Variants in RANBP2 observed in about 807,000 individuals in gnomAD.
The protein encoded by RANBP2 is E3 SUMO-protein ligase RanBP2.
Under a neutral mutation model 303.6 loss-of-function variants are expected in RANBP2, and 57 were observed. That is an observed-to-expected ratio of 0.19 (90% CI 0.15 to 0.23). The LOEUF is 0.23. Among genes scored for constraint, RANBP2 ranks in the 10% least tolerant of loss-of-function variants. The pLI, the probability that RANBP2 is intolerant of heterozygous loss-of-function variation, is 1.00. For synonymous variants in RANBP2, 1,167 were observed against 1,301.5 expected, an observed-to-expected ratio of 0.90 and a Z score of 2.23; for missense variants, 3,138 against 3,780.8, an observed-to-expected ratio of 0.83 and a Z score of 4.46.
At chr2:108,969,399 G>A in the RANBP2 span, among the ~76,000 whole-genome samples, 1 of 152,190 alleles carries the variant, frequency 6.6e-6, no homozygotes. Flanking sequence ...TCCGGTGAGA[G>A]GAGAACGATT....
the RANBP2 span, among the ~76,000 whole-genome samples, chr2:109,093,808 T>C: frequency 6.6e-6 from 1 of 152,218 alleles, no homozygotes; most frequent in African/African-American, 2.4e-5. Flanking sequence ...CCACTCTTGA[T>C]GCCCATATGA....
the RANBP2 span, among the ~76,000 whole-genome samples, chr2:108,948,630 AGT>A: frequency 1.3e-5 from 2 of 152,284 alleles, no homozygotes; most frequent in African/African-American, 4.8e-5. Flanking sequence ...AGAGAGAGAG[AGT>A]GAAGTGGGGA....
At chr2:109,731,420 A>C in the RANBP2 span, among the ~76,000 whole-genome samples, 1 of 151,266 alleles carries the variant, frequency 6.6e-6, no homozygotes, top group Non-Finnish European at 1.5e-5. Flanking sequence ...TTTGAGATGG[A>C]GTCTCACTCT....
At chr2:109,351,255 CTTGG>C in the RANBP2 span, among the ~76,000 whole-genome samples, 5 of 152,190 alleles carry the variant, frequency 3.3e-5, no homozygotes, top group African/African-American at 1.2e-4. Context: ...AGGGGCTGGC[CTTGG>C]CAGGGCCTTG....
chr2:109,322,582 A>G, the RANBP2 span, among the ~76,000 whole-genome samples: 1 of 152,264 alleles, frequency 6.6e-6, no homozygotes, highest in South Asian at 2.1e-4. Context: ...TACTGCAAGA[A>G]TAAATTTGCT....
At chr2:109,406,209 G>A in the RANBP2 span, among the ~76,000 whole-genome samples, 1 of 152,206 alleles carries the variant, frequency 6.6e-6, no homozygotes, top group Non-Finnish European at 1.5e-5. Flanking sequence ...GCTCTGCTGG[G>A]GGAGGGAGGT....
intron 1 of RANBP2, among the ~76,000 whole-genome samples, chr2:108,723,348 C>T (rs1421964667): frequency 2.0e-5 from 3 of 150,606 alleles, no homozygotes; most frequent in African/African-American, 4.9e-5. Flanking sequence ...GGCGCGATCT[C>T]GGCTCACTGC....
chr2:108,831,398 C>A, the RANBP2 span, among the ~76,000 whole-genome samples: 1 of 152,072 alleles, frequency 6.6e-6, no homozygotes, highest in African/African-American at 2.4e-5. Flanking sequence ...TCTTTTGAAA[C>A]ATTCAAAAGA....
the RANBP2 span, among the ~76,000 whole-genome samples, chr2:109,031,442 C>T: frequency 1.3e-5 from 2 of 151,860 alleles, no homozygotes; most frequent in Admixed American, 6.5e-5. Context: ...TCCCTGGAGG[C>T]CCCCTCTTAC....
chr2:109,239,069 A>C, the RANBP2 span, among the ~76,000 whole-genome samples: 1 of 152,200 alleles, frequency 6.6e-6, no homozygotes, highest in Admixed American at 6.5e-5. Context: ...GCAGTGCCAA[A>C]TGTCAAGATG....
the RANBP2 span, among the ~76,000 whole-genome samples, chr2:109,576,403 A>T: frequency 1.3e-4 from 20 of 152,190 alleles, no homozygotes; most frequent in South Asian, 3.5e-3. Context: ...CCGGCCTCAA[A>T]AAATGATATT....
At chr2:109,515,259 C>A in the RANBP2 span, among the ~76,000 whole-genome samples, 3 of 152,284 alleles carry the variant, frequency 2.0e-5, no homozygotes, top group Middle Eastern at 3.4e-3. Flanking sequence ...CACCCCTTGA[C>A]GCCAAACAGT....
At chr2:109,585,638 A>T in the RANBP2 span, 1 of 913,198 alleles carries the variant, frequency 1.1e-6, no homozygotes, top group Non-Finnish European at 1.8e-6. Flanking sequence ...TGATAACATG[A>T]GCATTGTTCT....
At chr2:108,780,530 CTTT>C (rs774240154) in intron 25 of RANBP2, among the ~76,000 whole-genome samples, 1 of 120,562 alleles carries the variant, frequency 8.3e-6, no homozygotes, top group Admixed American at 8.4e-5. Context: ...ACACTGCTAA[CTTT>C]TTTTTTTTTT....
At chr2:109,029,254 C>T in the RANBP2 span, among the ~76,000 whole-genome samples, 2 of 152,226 alleles carry the variant, frequency 1.3e-5, no homozygotes, top group African/African-American at 4.8e-5. Context: ...AGTCCCTCCC[C>T]ATCCCAGCCC....
At chr2:108,823,382 C>G in the RANBP2 span, among the ~76,000 whole-genome samples, 3 of 152,146 alleles carry the variant, frequency 2.0e-5, no homozygotes, top group South Asian at 2.1e-4. Flanking sequence ...CAAAAATCCT[C>G]AACAAAATAG....
the RANBP2 span, among the ~76,000 whole-genome samples, chr2:109,358,572 CTGTCTTCTTTGGTGAAG>C: frequency 3.3e-5 from 5 of 152,236 alleles, no homozygotes; most frequent in Non-Finnish European, 5.9e-5. Flanking sequence ...ACACACTACA[CTGTCTTCTTTGGTGAAG>C]TGTCTTCTTT....
At chr2:109,614,475 G>C in the RANBP2 span, 10 of 1,221,990 alleles carry the variant, frequency 8.2e-6, no homozygotes, top group Non-Finnish European at 1.0e-5. Context: ...TGGCGGGGGA[G>C]CAGCGCGGTC....
the RANBP2 span, among the ~76,000 whole-genome samples, chr2:109,192,785 C>T: frequency 9.2e-5 from 14 of 152,304 alleles, no homozygotes; most frequent in East Asian, 3.9e-4. Context: ...CAGTGACAGA[C>T]GAGTTCAGAC....
Sources: gnomAD v4.1 joint callset for allele counts (sites outside exome capture counted in the v4.1 genomes callset) on GRCh38, gnomAD v4.1.1 for gene constraint, MANE v1.5 for transcripts, NCBI Gene and HGNC (gene_info 2026-07-23, HGNC 2026-07-21) for gene names.